Variants in TNPO3 observed in about 807,000 individuals in gnomAD.
TNPO3 encodes the protein transportin-3.
A neutral mutation model predicts 122.8 loss-of-function variants in TNPO3; 65 were observed. The ratio of observed to expected loss-of-function variants is 0.53; its 90% CI spans 0.43 to 0.65. The LOEUF (loss-of-function observed/expected upper bound fraction) is 0.65. Among genes scored for constraint, TNPO3 ranks in the 30% least tolerant of loss-of-function variants. The probability of loss-of-function intolerance (pLI) is 0.00; values close to 1 mark genes in which losing one functional copy is unlikely to be tolerated. For missense variants in TNPO3, 850 were observed against 1,136.7 expected (o/e 0.75, Z 3.63); for synonymous variants, 372 against 411.2 (o/e 0.90, Z 1.15).
intron 1 of TNPO3, chr7:129,029,146 G>A: frequency 4.9e-6 from 1 of 203,192 alleles, no homozygotes. Flanking sequence ...CTGCCATCGG[G>A]ACAGGATTTG....
At chr7:129,043,240 G>GAA (rs888778266) in intron 1 of TNPO3, among the ~76,000 whole-genome samples, 2 of 135,900 alleles carry the variant, frequency 1.5e-5, no homozygotes, top group African/African-American at 2.7e-5. Context: ...GTCTTTACAG[G>GAA]AAAAAAAAAA....
chr7:129,053,876 CA>C (rs1472587458), intron 1 of TNPO3, among the ~76,000 whole-genome samples: 1 of 152,050 alleles, frequency 6.6e-6, no homozygotes, highest in African/African-American at 2.4e-5. Flanking sequence ...AAGCATAAAA[CA>C]TGAATCAAAG....
intron 4 of TNPO3, among the ~76,000 whole-genome samples, chr7:129,006,463 C>CA (rs1317443895): frequency 6.6e-6 from 1 of 152,144 alleles, no homozygotes; most frequent in African/African-American, 2.4e-5. Flanking sequence ...AGAGATAAAA[C>CA]AGAATTAGAC....
intron 1 of TNPO3, among the ~76,000 whole-genome samples, chr7:129,031,931 C>T (rs1805995737): frequency 6.6e-6 from 1 of 152,160 alleles, no homozygotes; most frequent in Admixed American, 6.5e-5. Context: ...AAGCAATCCT[C>T]CTGCCTCAGC....
intron 18 of TNPO3, 77 bp downstream of exon 18, chr7:128,974,791 A>C (rs918166364): frequency 9.2e-5 from 114 of 1,241,184 alleles, no homozygotes; most frequent in Non-Finnish European, 1.3e-4. Flanking sequence ...CAAGAATAAA[A>C]CAACCAAGGG....
chr7:128,963,955 A>G (rs1055907132), intron 21 of TNPO3, among the ~76,000 whole-genome samples: 10 of 152,224 alleles, frequency 6.6e-5, no homozygotes, highest in African/African-American at 2.4e-4. Flanking sequence ...TCACTTATAT[A>G]TCTTTCTGAA....
chr7:128,994,805 GCAC>G (rs1801131696), intron 8 of TNPO3, among the ~76,000 whole-genome samples: 1 of 151,988 alleles, frequency 6.6e-6, no homozygotes, highest in African/African-American at 2.4e-5. Flanking sequence ...CTATAGGCAT[GCAC>G]CACCACGCTT....
In TNPO3 at chr7:129,017,019, G is replaced by A. The variant is rs567680509; in HGVS notation, c.359C>T (p.Pro120Leu). The A allele has an allele frequency of 1.2e-6, 2 of 1,612,914 alleles. No individual in the cohort carries two copies. Among genetic ancestry groups the A allele is most frequent in the East Asian group, 2.2e-5 (1 of 44,852 alleles). Residue 120 changes from proline (P) to leucine (L), a missense_variant, in exon 3 of 23, where the codon CCT becomes CTT. By Grantham distance (98) the Pro-to-Leu change is moderately conservative. Transcript: ENST00000265388. ...TGTTTGCACACATCCCTTCCAGGAA[G>A]GCATCTGTAGGGCAAGATCTGCTAT... is the stretch of plus-strand genomic sequence containing the variant. Reference protein sequence around the residue: ...LAIADLALQMPSWKGCVQTLV... With the variant: ...LAIADLALQMLSWKGCVQTLV...
chr7:128,993,139 A>G (rs1036544778), intron 9 of TNPO3, among the ~76,000 whole-genome samples: 7 of 151,234 alleles, frequency 4.6e-5, no homozygotes, highest in Admixed American at 6.6e-5. Context: ...GTTACCAAAA[A>G]AAAAAAAATT....
At chr7:129,000,684 T>C in intron 6 of TNPO3, 117 bp from the exon 7 acceptor site, 2 of 1,013,226 alleles carry the variant, frequency 2.0e-6, no homozygotes, top group Non-Finnish European at 2.9e-6. Context: ...ATCTAGTGAT[T>C]ATTTACTATG....
intron 5 of TNPO3, among the ~76,000 whole-genome samples, chr7:129,003,389 G>A (rs918739402): frequency 2.0e-5 from 3 of 150,402 alleles, no homozygotes; most frequent in African/African-American, 4.9e-5. Context: ...ATGTGACATG[G>A]CCAGGTGTGG....
At chr7:129,007,311 T>C (rs1201246526) in intron 4 of TNPO3, among the ~76,000 whole-genome samples, 1 of 152,182 alleles carries the variant, frequency 6.6e-6, no homozygotes, top group Non-Finnish European at 1.5e-5. Context: ...CATTACACGA[T>C]AGCTACCTCC....
intron 11 of TNPO3, among the ~76,000 whole-genome samples, chr7:128,988,367 C>A (rs530665588): frequency 6.6e-6 from 1 of 152,302 alleles, no homozygotes; most frequent in East Asian, 1.9e-4. Context: ...AATCTGCCTA[C>A]CTCCACCAAA....
intron 21 of TNPO3, among the ~76,000 whole-genome samples, chr7:128,961,663 A>G (rs922751948): frequency 6.6e-6 from 1 of 152,086 alleles, no homozygotes; most frequent in African/African-American, 2.4e-5. Context: ...CTAGTCCCCA[A>G]ATTCCTATCC....
At chr7:129,001,626 C>T (rs1297987868) in intron 5 of TNPO3, among the ~76,000 whole-genome samples, 1 of 152,156 alleles carries the variant, frequency 6.6e-6, no homozygotes, top group African/African-American at 2.4e-5. Context: ...AATAGGAAAA[C>T]AATTAGAGCC....
At chr7:129,027,735 T>C (rs1337129220) in intron 1 of TNPO3, among the ~76,000 whole-genome samples, 1 of 152,100 alleles carries the variant, frequency 6.6e-6, no homozygotes, top group Non-Finnish European at 1.5e-5. Context: ...TTTCCCCTCA[T>C]GGCATTTGCC....
At chr7:128,957,202 G>C (rs1264745904) in intron 22 of TNPO3, 22 bp downstream of exon 22, 5 of 1,603,540 alleles carry the variant, frequency 3.1e-6, no homozygotes, top group African/African-American at 1.3e-5. Flanking sequence ...CCGGACAAAA[G>C]CTGGGAACTA....
intron 16 of TNPO3, among the ~76,000 whole-genome samples, chr7:128,976,937 A>T (rs1275693834): frequency 6.6e-6 from 1 of 152,220 alleles, no homozygotes; most frequent in Non-Finnish European, 1.5e-5. Flanking sequence ...CATTTTCTTA[A>T]AGGGCTACTT....
upstream of TNPO3, chr7:129,055,856 TA>T: frequency 1.7e-6 from 1 of 583,814 alleles, no homozygotes; most frequent in African/African-American, 1.9e-5. Context: ...ACATTGCTGC[TA>T]GTCCTTTGCA....
Sources: allele counts gnomAD v4.1 joint callset (sites outside exome capture counted in the v4.1 genomes callset), GRCh38; gene constraint gnomAD v4.1.1; transcripts MANE v1.5; gene names NCBI Gene and HGNC (gene_info 2026-07-23, HGNC 2026-07-21).